The following DENND4A variants were observed in gnomAD, a reference collection of about 807,000 sequenced individuals.
DENND4A encodes the protein DENN domain containing 4A, also known as C-myc promoter-binding protein.
Under a neutral mutation model 199.3 loss-of-function variants are expected in DENND4A, and 70 were observed. That is an observed-to-expected ratio of 0.35 (90% CI 0.29 to 0.43). The LOEUF is 0.43. Ranked by LOEUF, DENND4A falls within the 20% of genes least tolerant of loss-of-function variation. DENND4A has a pLI of 1.00. For missense variants in DENND4A, 1,723 were observed against 2,255.8 expected (o/e 0.76, Z 4.78); for synonymous variants, 686 against 766.9 (o/e 0.89, Z 1.74).
At chr15:65,714,821 T>C (rs1424331072) in intron 14 of DENND4A, among the ~76,000 whole-genome samples, 1 of 152,148 alleles carries the variant, frequency 6.6e-6, no homozygotes, top group Non-Finnish European at 1.5e-5. Context: ...TGTTAGACCA[T>C]GCCTCTCCAG....
chr15:65,706,874 T>C (rs1404664765), intron 14 of DENND4A, among the ~76,000 whole-genome samples: 3 of 152,190 alleles, frequency 2.0e-5, no homozygotes, highest in Non-Finnish European at 4.4e-5. Flanking sequence ...AGGAAAGGAA[T>C]AGGGTAGACA....
chr15:65,659,176 CTAAGAG>C lies in DENND4A; in HGVS notation c.*2669_*2674del, dbSNP rs1409116833. The stretch of plus-strand genomic sequence containing the variant: ...CAACCATTTAAACATATAAACAAAA[CTAAGAG>C]TAAGAAAATAAAAGACAGATGCTGT... On this transcript the variant is annotated 3_prime_UTR_variant, in exon 33 of 33. Transcript: ENST00000443035. The C allele has an allele frequency of 6.6e-6, 1 of 151,914 alleles. No homozygotes were observed. Among genetic ancestry groups the C allele is most frequent in the African/African-American group, 2.4e-5 (1 of 41,342 alleles). 9.4% of individuals were successfully genotyped at this position (151,914 alleles called of 1,614,324 possible). A position where few individuals can be genotyped will look rare whatever the true frequency, so the allele number is the denominator to read the frequency against.
At chr15:65,738,978 C>A in intron 5 of DENND4A, 103 bp from the exon 6 acceptor site, 1 of 853,640 alleles carries the variant, frequency 1.2e-6, no homozygotes, top group Non-Finnish European at 1.7e-6. Flanking sequence ...TTTGGAATGC[C>A]AAAGCATTAT....
At chr15:65,768,184 G>A (rs1208894342) in intron 1 of DENND4A, among the ~76,000 whole-genome samples, 1 of 151,894 alleles carries the variant, frequency 6.6e-6, no homozygotes. Context: ...TTTTTTTTGG[G>A]TAGAGATGCG....
At position 65,702,473 on chromosome 15, in the gene DENND4A, A is replaced by G. The variant is rs763734420; in HGVS notation, c.2262T>C (p.Ser754=). Residue 754 remains serine, a synonymous_variant, in exon 17 of 33, where the codon TCT becomes TCC. Coordinates refer to ENST00000443035, the MANE Select transcript of DENND4A (RefSeq NM_001320835.1). ...KSAHKIAKRY[S]SIPQMWSRCL... ...ACCTAGACCACATCTGAGGGATGGA[A>G]GAGTACCTCTTTGCAATTTTATGGG... The G allele has an allele frequency of 5.0e-6, 8 of 1,596,880 alleles. No individual in the cohort carries two copies. In the South Asian group the frequency reaches 9.1e-5, roughly 18 times the overall value.
At chr15:65,699,554 GA>G (rs2077274973) in intron 20 of DENND4A, among the ~76,000 whole-genome samples, 2 of 149,488 alleles carry the variant, frequency 1.3e-5, no homozygotes, top group African/African-American at 4.9e-5. Context: ...ATACACATAA[GA>G]TATATAATTC....
Position 65,757,959 on chromosome 15 carries a change from C to T in DENND4A, c.-22-1487G>A, listed in dbSNP as rs535194276. On this transcript the variant is annotated intron_variant, in intron 2 of 32. Coordinates refer to ENST00000443035, the MANE Select transcript of DENND4A (RefSeq NM_001320835.1). The stretch of plus-strand genomic sequence containing the variant: ...TCGCACCATTGCACTCCAGCCTGGG[C>T]AACAAGAGCGAAACTCTATCTCAAA... 5.3e-5 allele frequency among the ~76,000 whole-genome samples: 8 copies of T among 151,900 alleles called. No individual in the cohort carries two copies. The East Asian group carries it at 1.4e-3, about 26-fold the overall frequency.
At chr15:65,743,379 C>T (rs2076308145) in intron 4 of DENND4A, among the ~76,000 whole-genome samples, 1 of 152,168 alleles carries the variant, frequency 6.6e-6, no homozygotes, top group African/African-American at 2.4e-5. Context: ...AGGCCTTTTG[C>T]ACAGACTGTT....
chr15:65,768,327 G>A (rs1022781809), intron 1 of DENND4A, among the ~76,000 whole-genome samples: 8 of 145,314 alleles, frequency 5.5e-5, no homozygotes, highest in South Asian at 2.1e-4. Flanking sequence ...TGTTTTTTTC[G>A]TTTTGTTTTG....
intron 1 of DENND4A, among the ~76,000 whole-genome samples, chr15:65,787,669 G>C (rs1294330905): frequency 6.6e-6 from 1 of 152,096 alleles, no homozygotes; most frequent in Non-Finnish European, 1.5e-5. Flanking sequence ...ACCTTCCCAT[G>C]AAGAAAGTTA....
chr15:65,766,510 A>G (rs2076990993), intron 1 of DENND4A: 1 of 152,170 alleles, frequency 6.6e-6, no homozygotes, highest in Non-Finnish European at 1.5e-5. Flanking sequence ...TCTGCAACCA[A>G]CTTGGATCAA....
Position 65,717,901 on chromosome 15 carries a change from T to C in DENND4A, c.1684A>G (p.Ile562Val). 6.2e-7 allele frequency: 1 copy of C among 1,608,446 alleles called. No individual in the cohort carries two copies. The highest frequency in any genetic ancestry group is 8.5e-7 in the Non-Finnish European group (1 of 1,177,086). ...GKRLHMIDLE[I>V]QEAFLFFMAS... The stretch of plus-strand genomic sequence containing the variant: ...ATGAAAAACAAAAATGCCTCTTGGA[T>C]TTCCAAATCTATCATGTGCAACCTC... The change falls in exon 13 of 33, where the codon ATC (isoleucine) becomes GTC (valine). Residue 562 changes from isoleucine (I) to valine (V), a missense_variant. Ile to Val is a conservative substitution (Grantham distance 29, BLOSUM62 3). Transcript: ENST00000443035.
intron 4 of DENND4A, among the ~76,000 whole-genome samples, chr15:65,743,714 T>C (rs1460298295): frequency 6.6e-6 from 1 of 152,206 alleles, no homozygotes; most frequent in Non-Finnish European, 1.5e-5. Flanking sequence ...CCATAAAGTA[T>C]TTGCTGAATG....
rs2075989083 is a variant in DENND4A at position 65,665,017 on chromosome 15, A to G, written c.5360-295T>C. On this transcript the variant is annotated intron_variant, in intron 30 of 32. Coordinates refer to ENST00000443035, the MANE Select transcript of DENND4A (RefSeq NM_001320835.1). Reference sequence around the variant, plus strand: ...AGCCTGGGATGGAAACAAATAAAAAATAAGTAAAAAGAAGAAATTGGGATG... The same window carrying G: ...AGCCTGGGATGGAAACAAATAAAAAGTAAGTAAAAAGAAGAAATTGGGATG... 7 of 457,436 alleles carry G rather than the reference A, an allele frequency of 1.5e-5. 1 individual carries two copies. The Middle Eastern group carries it at 2.3e-3, about 148-fold the overall frequency. 28.3% of individuals were successfully genotyped at this position (457,436 alleles called of 1,614,324 possible).
chr15:65,692,581 T>C (rs987430133), intron 22 of DENND4A, among the ~76,000 whole-genome samples: 4 of 152,190 alleles, frequency 2.6e-5, no homozygotes, highest in African/African-American at 7.2e-5. Flanking sequence ...GAGTGGATAC[T>C]AGAGGTCATA....
In DENND4A at chr15:65,702,547, T is replaced by C. The variant is rs536358043; in HGVS notation, c.2224-36A>G. ...TATAAAGATCTTACTAATAAATTTA[T>C]GCACTTAGGCATCTTTATTTAACTG... On this transcript the variant is annotated intron_variant, in intron 16 of 32. Coordinates refer to ENST00000443035, the MANE Select transcript of DENND4A (RefSeq NM_001320835.1). The C allele has an allele frequency of 3.3e-6, 5 of 1,498,254 alleles. No homozygotes were observed. In the African/African-American group the frequency reaches 4.2e-5, roughly 12 times the overall value. 92.8% of individuals were successfully genotyped at this position (1,498,254 alleles called of 1,614,324 possible).
chr15:65,704,463 C>G (rs947008705), intron 15 of DENND4A, among the ~76,000 whole-genome samples: 1 of 152,322 alleles, frequency 6.6e-6, no homozygotes, highest in African/African-American at 2.4e-5. Context: ...GTCTCAACCT[C>G]CCAGGCTCAA....
At chr15:65,715,972 CAT>C (rs1223905341) in intron 13 of DENND4A, among the ~76,000 whole-genome samples, 10 of 151,640 alleles carry the variant, frequency 6.6e-5, no homozygotes, top group Non-Finnish European at 1.2e-4. Flanking sequence ...ATATATATAT[CAT>C]ATATATATAA....
chr15:65,664,407 A>AG lies in DENND4A; in HGVS notation c.5523-14dup. Reference sequence around the variant, plus strand: ...TCTGTATAAACTCCTAGGGAGAAAAAGTCATGGAGAAAATATTAGTATCCA... The same window carrying AG: ...TCTGTATAAACTCCTAGGGAGAAAAAGGTCATGGAGAAAATATTAGTATCCA... On this transcript the variant is annotated splice_polypyrimidine_tract_variant and intron_variant, in intron 31 of 32. Coordinates refer to ENST00000443035, the MANE Select transcript of DENND4A (RefSeq NM_001320835.1). 6.3e-7 allele frequency: 1 copy of AG among 1,583,954 alleles called. No individual in the cohort carries two copies. The highest frequency in any genetic ancestry group is 8.6e-7 in the Non-Finnish European group (1 of 1,163,178).
Sources: gnomAD v4.1 joint callset for allele counts (sites outside exome capture counted in the v4.1 genomes callset) on GRCh38, gnomAD v4.1.1 for gene constraint, MANE v1.5 for transcripts, NCBI Gene and HGNC (gene_info 2026-07-23, HGNC 2026-07-21) for gene names.